FREM2: variants seen among roughly 807,000 people sequenced by gnomAD.
FREM2 encodes FRAS1-related extracellular matrix protein 2.
FREM2 carries 119 observed loss-of-function variants against 219.9 expected under a neutral mutation model. The ratio of observed to expected loss-of-function variants is 0.54; its 90% confidence interval spans 0.47 to 0.63. The LOEUF is 0.63. FREM2 is among the 30% of genes least tolerant of loss of function. FREM2 has a pLI of 0.00. For missense variants in FREM2, 4,030 were observed against 3,993.6 expected (o/e 1.01, Z -0.25); for synonymous variants, 1,562 against 1,522.8 (o/e 1.03, Z -0.60).
intron 16 of FREM2, among the ~76,000 whole-genome samples, chr13:38,871,396 T>A (rs1289842619): frequency 6.6e-6 from 1 of 152,232 alleles, no homozygotes; most frequent in Non-Finnish European, 1.5e-5. Flanking sequence ...CTCAAACTTC[T>A]ATGGAGTGTG....
chr13:38,854,693 T>C (rs922974039), intron 11 of FREM2, among the ~76,000 whole-genome samples: 9 of 152,120 alleles, frequency 5.9e-5, no homozygotes, highest in African/African-American at 1.9e-4. Context: ...CATTATGATA[T>C]GTGAAGGCTG....
chr13:38,870,853 A>T (rs1414273700), intron 16 of FREM2, among the ~76,000 whole-genome samples: 1 of 152,244 alleles, frequency 6.6e-6, no homozygotes, highest in Admixed American at 6.5e-5. Flanking sequence ...GTAACATTTG[A>T]TGGATAGAAT....
chr13:38,855,588 A>T (rs1877523425), intron 11 of FREM2, among the ~76,000 whole-genome samples: 1 of 152,212 alleles, frequency 6.6e-6, no homozygotes, highest in African/African-American at 2.4e-5. Flanking sequence ...AGCAACCTGG[A>T]TGGAACTGGA....
chr13:38,849,274 A>T (rs994482188), intron 8 of FREM2, among the ~76,000 whole-genome samples: 1 of 152,178 alleles, frequency 6.6e-6, no homozygotes, highest in African/African-American at 2.4e-5. Context: ...TTAAAGAAAA[A>T]AAATGTGATG....
chr13:38,860,011 A>G (rs1877704888), intron 14 of FREM2, among the ~76,000 whole-genome samples: 1 of 152,186 alleles, frequency 6.6e-6, no homozygotes. Context: ...GAAAACAAGC[A>G]TGAGCAACAA....
intron 2 of FREM2, among the ~76,000 whole-genome samples, chr13:38,756,806 G>T (rs562193302): frequency 6.6e-6 from 1 of 152,004 alleles, no homozygotes; most frequent in African/African-American, 2.4e-5. Flanking sequence ...CTTCCAAAGT[G>T]CTGGGATTAC....
At chr13:38,849,301 TG>T (rs1877283205) in intron 8 of FREM2, among the ~76,000 whole-genome samples, 1 of 152,226 alleles carries the variant, frequency 6.6e-6, no homozygotes, top group South Asian at 2.1e-4. Context: ...GTATCTTGAT[TG>T]TGCCTCAAGA....
chr13:38,851,769 G>T lies in FREM2; in HGVS notation c.6826G>T (p.Val2276Leu). The T allele has an allele frequency of 6.2e-7, 1 of 1,613,854 alleles. No homozygotes were observed. Reference protein sequence around the residue: ...PGESVVIRIPVIRQGDTSKVS... With the variant: ...PGESVVIRIPLIRQGDTSKVS... ...AGAGTCGGTGGTTATAAGAATTCCAGTGATTCGCCAAGGAGACACTTCAAA... is the reference window on the plus strand; with the variant it reads ...AGAGTCGGTGGTTATAAGAATTCCATTGATTCGCCAAGGAGACACTTCAAA... The change falls in exon 11 of 24, where the codon GTG (valine) becomes TTG (leucine). Residue 2276 changes from valine (V) to leucine (L), a missense_variant. Val to Leu is a conservative substitution (Grantham distance 32, BLOSUM62 1). Around this residue, in one of 2 missense-constraint regions of FREM2, gnomAD observed 3,102 missense variants for 2,950.7 expected, o/e 1.05. Transcript: ENST00000280481.
intron 6 of FREM2, among the ~76,000 whole-genome samples, chr13:38,790,476 T>C (rs1038082665): frequency 1.3e-5 from 2 of 152,182 alleles, no homozygotes; most frequent in South Asian, 2.1e-4. Context: ...TTTTCAAGTA[T>C]ATCCTTCAAA....
At position 38,689,940 on chromosome 13, in the gene FREM2, T is replaced by A. The variant is rs566743573; in HGVS notation, c.2596T>A (p.Phe866Ile). The A allele has an allele frequency of 3.5e-5, 56 of 1,614,178 alleles. No homozygotes were observed. The highest frequency in any genetic ancestry group is 4.7e-5 in the Non-Finnish European group (55 of 1,180,028). Residue 866 changes from phenylalanine (F) to isoleucine (I), a missense_variant, in exon 1 of 24, where the codon TTC becomes ATC. By Grantham distance (21) the Phe-to-Ile change is conservative (BLOSUM62 0). Around this residue, in one of 2 missense-constraint regions of FREM2, gnomAD observed 3,102 missense variants for 2,950.7 expected, o/e 1.05. Coordinates refer to ENST00000280481, the MANE Select transcript of FREM2 (RefSeq NM_207361.6). ...AGACACTGATGTTGCCCATATCTCT[T>A]TCACTCTCACTCAGGCACCCAAACA... ...DVDTDVAHISFTLTQAPKHGH... is the reference protein window; with the variant it reads ...DVDTDVAHISITLTQAPKHGH...
intron 6 of FREM2, 43 bp downstream of exon 6, chr13:38,784,851 C>A: frequency 1.2e-6 from 2 of 1,603,158 alleles, no homozygotes; most frequent in South Asian, 1.1e-5. Flanking sequence ...CCGGGAAGAT[C>A]AACATCAGGA....
At chr13:38,840,634 A>ATG (rs1415446526) in intron 6 of FREM2, among the ~76,000 whole-genome samples, 9 of 145,960 alleles carry the variant, frequency 6.2e-5, no homozygotes, top group Non-Finnish European at 1.3e-4. Flanking sequence ...AAATATATAT[A>ATG]TATATATATA....
At chr13:38,878,097 A>T in intron 21 of FREM2, 37 bp from the exon 22 acceptor site, 1 of 1,534,180 alleles carries the variant, frequency 6.5e-7, no homozygotes, top group East Asian at 2.3e-5. Context: ...ATACCTTATC[A>T]TATAACAGAA....
rs995775341 is a variant in FREM2 at position 38,880,186 on chromosome 13, T to G, written c.9007-98T>G. 169 of 1,250,050 alleles carry G rather than the reference T, an allele frequency of 1.4e-4. 1 individual carries two copies. Among genetic ancestry groups the G allele is most frequent in the Admixed American group, 3.4e-5 (2 of 59,408 alleles). 77.4% of individuals were successfully genotyped at this position (1,250,050 alleles called of 1,614,324 possible). Reference sequence around the variant, plus strand: ...AGTTAATTCTGCAGACTAAAATCATTTATTAATATCTCTGCCATTAATTTC... The same window carrying G: ...AGTTAATTCTGCAGACTAAAATCATGTATTAATATCTCTGCCATTAATTTC... On this transcript the variant is annotated intron_variant, in intron 23 of 23. Transcript: ENST00000280481.
At chr13:38,692,579 GCCT>G in intron 1 of FREM2, 62 bp downstream of exon 1, 3 of 1,565,672 alleles carry the variant, frequency 1.9e-6, no homozygotes, top group Middle Eastern at 1.7e-4. Context: ...TTCACTAAAA[GCCT>G]CACAAACAGA....
chr13:38,866,939 GTTCA>G (rs1363386521), intron 16 of FREM2, among the ~76,000 whole-genome samples: 1 of 152,138 alleles, frequency 6.6e-6, no homozygotes, highest in Non-Finnish European at 1.5e-5. Flanking sequence ...CCTCTACTGT[GTTCA>G]TTCTTCAAAT....
chr13:38,814,848 A>G (rs1204488855), intron 6 of FREM2, among the ~76,000 whole-genome samples: 3 of 152,062 alleles, frequency 2.0e-5, no homozygotes, highest in African/African-American at 7.2e-5. Flanking sequence ...GACCACCACC[A>G]CCACTGATCC....
intron 11 of FREM2, 137 bp downstream of exon 11, chr13:38,852,005 A>G: frequency 1.3e-6 from 1 of 771,954 alleles, no homozygotes; most frequent in Non-Finnish European, 2.2e-6. Flanking sequence ...TATAATTTTA[A>G]GGGGTACAAG....
chr13:38,777,439 T>C (rs1873917274), intron 4 of FREM2, among the ~76,000 whole-genome samples: 1 of 152,192 alleles, frequency 6.6e-6, no homozygotes, highest in South Asian at 2.1e-4. Flanking sequence ...ACATGGAGTT[T>C]CTGGGTTGAA....
Sources: gnomAD v4.1 joint callset for allele counts (sites outside exome capture counted in the v4.1 genomes callset) on GRCh38, gnomAD v4.1.1 for gene constraint, gnomAD v4.1.1 regional missense constraint, MANE v1.5 for transcripts, NCBI Gene and HGNC (gene_info 2026-07-23, HGNC 2026-07-21) for gene names.